The following SPINK5 variants were observed in gnomAD, a reference collection of about 807,000 sequenced individuals.
SPINK5 encodes serine peptidase inhibitor Kazal type 5.
SPINK5 carries 125 observed loss-of-function variants against 151.8 expected under a neutral mutation model. That is an observed-to-expected ratio of 0.82 (90% CI 0.71 to 0.96). SPINK5 has a LOEUF of 0.96. Among genes scored for constraint, SPINK5 ranks in the 40% least tolerant of loss-of-function variants. The pLI, the probability that SPINK5 is intolerant of heterozygous loss-of-function variation, is 0.00. For synonymous variants in SPINK5, 374 were observed against 395.3 expected (o/e 0.95, Z 0.64); for missense variants, 1,194 against 1,291.9 (o/e 0.92, Z 1.16).
intron 7 of SPINK5, among the ~76,000 whole-genome samples, chr5:148,090,058 C>A (rs1261409699): frequency 6.6e-6 from 1 of 151,732 alleles, no homozygotes; most frequent in Non-Finnish European, 1.5e-5. Flanking sequence ...GTGTCTGAAT[C>A]TATTTATTAG....
At chr5:148,128,736 G>A (rs937180300) in intron 30 of SPINK5, among the ~76,000 whole-genome samples, 21 of 152,096 alleles carry the variant, frequency 1.4e-4, no homozygotes, top group African/African-American at 5.1e-4. Context: ...TGTTAGCCAG[G>A]ATGGTCTCGA....
Position 148,134,394 on chromosome 5 carries a change from A to T in SPINK5, c.3186+507A>T, listed in dbSNP as rs533826175. Among the ~76,000 whole-genome samples, 10 of 152,322 alleles carry T rather than the reference A, an allele frequency of 6.6e-5. No homozygotes were observed. In the South Asian group the frequency reaches 8.3e-4, roughly 13 times the overall value. On this transcript the variant is annotated intron_variant, in intron 32 of 32. Coordinates refer to ENST00000256084, the MANE Select transcript of SPINK5 (RefSeq NM_006846.4). Reference sequence around the variant, plus strand: ...TAACATTCTCCCTGGTGGCTATTTGAATAGTCATCCTCAGGGAGATGGTAT... The same window carrying T: ...TAACATTCTCCCTGGTGGCTATTTGTATAGTCATCCTCAGGGAGATGGTAT...
Position 148,119,020 on chromosome 5 carries a change from C to A in SPINK5, c.2275C>A (p.Arg759Ser), listed in dbSNP as rs374182762. ...REAERKNEYS[R>S]SRSNGTGSES... The stretch of plus-strand genomic sequence containing the variant: ...AGCAGAGAGAAAAAATGAGTATTCT[C>A]GCTCCAGATCAAATGGGACTGGATC... Residue 759 changes from arginine (R) to serine (S), a missense_variant, in exon 24 of 33, where the codon CGC (arginine) becomes AGC (serine). By Grantham distance (110) the Arg-to-Ser change is moderately radical. Transcript: ENST00000256084. The A allele has an allele frequency of 2.5e-6, 4 of 1,613,796 alleles. No homozygotes were observed. The African/African-American group carries it at 5.3e-5, about 22-fold the overall frequency.
intron 2 of SPINK5, among the ~76,000 whole-genome samples, chr5:148,067,119 G>A (rs981381931): frequency 2.0e-5 from 3 of 152,214 alleles, no homozygotes; most frequent in African/African-American, 7.2e-5. Context: ...AGGATCTTAA[G>A]CATGCTTAAA....
rs1727406389 is a variant in SPINK5 at position 148,104,974 on chromosome 5, G to A, written c.1453G>A (p.Ala485Thr). ...AAGTCAACAAGAAGAAAGAGCAAGA[G>A]CAAAGGCTAAAAGAGAAGCTGCAAA... is the stretch of plus-strand genomic sequence containing the variant. ...AFFQQEERAR[A>T]KAKREAAKEI... The change falls in exon 16 of 33, where the codon GCA (alanine) becomes ACA (threonine). Residue 485 changes from alanine (A) to threonine (T), a missense_variant. Ala to Thr is a moderately conservative substitution (Grantham distance 58). Transcript: ENST00000256084. 6.2e-7 allele frequency: 1 copy of A among 1,613,872 alleles called. No homozygotes were observed. The highest frequency in any genetic ancestry group is 8.5e-7 in the Non-Finnish European group (1 of 1,179,858).
chr5:148,111,262 G>A (rs1279781971), intron 18 of SPINK5, among the ~76,000 whole-genome samples: 9 of 151,948 alleles, frequency 5.9e-5, no homozygotes, highest in Non-Finnish European at 1.3e-4. Flanking sequence ...CTCTCACTCT[G>A]TCTTCCATCT....
At chr5:148,070,709 T>C (rs1294077549) in intron 3 of SPINK5, among the ~76,000 whole-genome samples, 5 of 152,138 alleles carry the variant, frequency 3.3e-5, no homozygotes, top group Non-Finnish European at 7.4e-5. Flanking sequence ...TGTAGCACTC[T>C]ATAGTCTTTT....
chr5:148,114,301 G>C (rs1287806066), intron 20 of SPINK5, 61 bp from the exon 21 acceptor site: 1 of 1,571,288 alleles, frequency 6.4e-7, no homozygotes, highest in Non-Finnish European at 8.6e-7. Context: ...CACTTAGTAG[G>C]AACCCAGTAA....
intron 10 of SPINK5, among the ~76,000 whole-genome samples, chr5:148,097,550 A>C (rs554436560): frequency 6.8e-4 from 104 of 152,170 alleles, no homozygotes; most frequent in Non-Finnish European, 1.0e-3. Context: ...TTTTCATTGT[A>C]CTTGTACACA....
In SPINK5 at chr5:148,099,307, T is replaced by G; in HGVS notation, c.1084T>G (p.Ser362Ala). The G allele has an allele frequency of 6.2e-7, 1 of 1,612,070 alleles. No individual in the cohort carries two copies. Among genetic ancestry groups the G allele is most frequent in the South Asian group, 1.1e-5 (1 of 90,930 alleles). ...RNKRESGKATSYAELCSEYRK... is the reference protein window; with the variant it reads ...RNKRESGKATAYAELCSEYRK... ...CAAAAGAGAATCTGGAAAAGCAACCTCATATGCAGTGAGTGGAATCCATCC... is the reference window on the plus strand; with the variant it reads ...CAAAAGAGAATCTGGAAAAGCAACCGCATATGCAGTGAGTGGAATCCATCC... Residue 362 changes from serine (S) to alanine (A), a missense_variant, in exon 12 of 33, where the codon TCA becomes GCA. Ser to Ala is a moderately conservative substitution (Grantham distance 99). Coordinates refer to ENST00000256084, the MANE Select transcript of SPINK5 (RefSeq NM_006846.4).
chr5:148,068,419 G>T (rs758661150), intron 2 of SPINK5, among the ~76,000 whole-genome samples: 2 of 151,840 alleles, frequency 1.3e-5, no homozygotes, highest in African/African-American at 4.8e-5. Flanking sequence ...ACCTAATGCT[G>T]TATCTATGTC....
At chr5:148,110,124 A>C (rs922888374) in intron 18 of SPINK5, among the ~76,000 whole-genome samples, 2 of 152,198 alleles carry the variant, frequency 1.3e-5, no homozygotes, top group African/African-American at 4.8e-5. Flanking sequence ...ACATCTTCAT[A>C]TATTAGCTTT....
rs1753403433 is a variant in SPINK5, at chr5:148,094,491, G to A, written c.794+10G>A. The A allele has an allele frequency of 6.2e-7, 1 of 1,612,028 alleles. No individual in the cohort carries two copies. Among genetic ancestry groups the A allele is most frequent in the Admixed American group, 1.7e-5 (1 of 59,820 alleles). On this transcript the variant is annotated intron_variant, in intron 9 of 32. Coordinates refer to ENST00000256084, the MANE Select transcript of SPINK5 (RefSeq NM_006846.4). The stretch of plus-strand genomic sequence containing the variant: ...TGTGTGCTGAAATTTTGTGAGTATA[G>A]AAGTGGTTTTTTCAGAGTGATTCAA...
chr5:148,087,902 T>A (rs1001749055), intron 5 of SPINK5, among the ~76,000 whole-genome samples: 4 of 151,608 alleles, frequency 2.6e-5, no homozygotes, highest in African/African-American at 7.3e-5. Context: ...AATAACTTTT[T>A]TCTTATCACT....
chr5:148,113,189 G>A (rs1194540050), intron 20 of SPINK5, among the ~76,000 whole-genome samples: 1 of 152,114 alleles, frequency 6.6e-6, no homozygotes, highest in Admixed American at 6.6e-5. Flanking sequence ...AAACATATGG[G>A]CATGGCTGAC....
chr5:148,097,110 C>CTCT (rs1753490925), intron 10 of SPINK5, among the ~76,000 whole-genome samples: 1 of 149,674 alleles, frequency 6.7e-6, no homozygotes, highest in Non-Finnish European at 1.5e-5. Flanking sequence ...TCTTTTCCTC[C>CTCT]CTCTCTTTCT....
rs1362009010 is a variant in SPINK5, at chr5:148,123,870, GA to G, written c.2579del (p.Lys860SerfsTer64). On this transcript the variant is annotated frameshift_variant, in exon 27 of 33. Coordinates refer to ENST00000256084, the MANE Select transcript of SPINK5 (RefSeq NM_006846.4). LOFTEE classifies it high-confidence loss of function. Reference protein sequence around the residue: ...CREFRSMQRNGKLICTRENNP... With the variant: ...CREFRSMQRNXKLICTRENNP... ...GAATTTCGAAGCATGCAGAGAAATG[GA>G]AAGCTTATCTGCACCAGAGAAAATA... is the stretch of plus-strand genomic sequence containing the variant. 5 of 1,613,852 alleles carry G rather than the reference GA, an allele frequency of 3.1e-6. No homozygotes were observed. Among genetic ancestry groups the G allele is most frequent in the Non-Finnish European group, 4.2e-6 (5 of 1,179,994 alleles).
chr5:148,088,086 A>T (rs1389586788), intron 5 of SPINK5, among the ~76,000 whole-genome samples: 1 of 151,846 alleles, frequency 6.6e-6, no homozygotes, highest in Non-Finnish European at 1.5e-5. Context: ...AAAATTAATT[A>T]TCAAGACTTT....
chr5:148,091,543 T>C (rs1753309557), intron 8 of SPINK5, among the ~76,000 whole-genome samples: 1 of 151,840 alleles, frequency 6.6e-6, no homozygotes, highest in Admixed American at 6.6e-5. Context: ...GCAGCCTTCT[T>C]TTTGGTTTAG....
Sources: allele counts gnomAD v4.1 joint callset (sites outside exome capture counted in the v4.1 genomes callset), GRCh38; gene constraint gnomAD v4.1.1; transcripts MANE v1.5; gene names NCBI Gene and HGNC (gene_info 2026-07-23, HGNC 2026-07-21).